The following ROBO2 variants were observed in gnomAD, a reference collection of about 807,000 sequenced individuals.
ROBO2 encodes the protein roundabout guidance receptor 2, also known as roundabout homolog 2.
ROBO2 carries 53 observed loss-of-function variants against 160.8 expected under a neutral mutation model. The observed-to-expected ratio is 0.33, with a 90% CI of 0.26 to 0.41. The LOEUF (loss-of-function observed/expected upper bound fraction) is 0.41, where lower values mean the gene tolerates loss of function less well. Ranked by LOEUF, ROBO2 falls within the 10% of genes least tolerant of loss-of-function variation. The pLI, the probability that ROBO2 is intolerant of heterozygous loss-of-function variation, is 1.00. For synonymous variants in ROBO2, 664 were observed against 611.7 expected (o/e 1.09, Z -1.26); for missense variants, 1,577 against 1,722.4 (o/e 0.92, Z 1.49).
Position 76,634,379 on chromosome 3 carries a change from C to T in ROBO2, c.110-463635C>T, listed in dbSNP as rs541293655. ...GGTCAGGAGTTCCAGACCAGCCTGG[C>T]CAACATGGTGAAACCCCGTCTCTAC... On this transcript the variant is annotated intron_variant, in intron 2 of 26. Transcript: ENST00000487694. Among the ~76,000 whole-genome samples, 12 of 152,218 alleles carry T rather than the reference C, an allele frequency of 7.9e-5. No individual in the cohort carries two copies. In the East Asian group the frequency reaches 1.7e-3, roughly 22 times the overall value.
chr3:76,393,469 T>C (rs1465996402), intron 2 of ROBO2, among the ~76,000 whole-genome samples: 1 of 152,162 alleles, frequency 6.6e-6, no homozygotes, highest in Non-Finnish European at 1.5e-5. Flanking sequence ...TAAATAGCAT[T>C]GTAAGGAAAT....
intron 2 of ROBO2, among the ~76,000 whole-genome samples, chr3:76,588,653 T>G (rs184013935): frequency 4.3e-4 from 66 of 152,284 alleles, no homozygotes; most frequent in African/African-American, 1.6e-3. Flanking sequence ...GTAGAGGCAT[T>G]CAATGTGATA....
intron 2 of ROBO2, among the ~76,000 whole-genome samples, chr3:76,305,908 C>T (rs1486035136): frequency 6.6e-6 from 1 of 151,762 alleles, no homozygotes; most frequent in Non-Finnish European, 1.5e-5. Flanking sequence ...CTCAGAGTTT[C>T]TCAGCTTCAA....
At chr3:76,984,229 T>G (rs2060251589) in intron 2 of ROBO2, among the ~76,000 whole-genome samples, 1 of 152,166 alleles carries the variant, frequency 6.6e-6, no homozygotes, top group Admixed American at 6.5e-5. Context: ...CCATATCAGC[T>G]GGGATTCACA....
intron 2 of ROBO2, among the ~76,000 whole-genome samples, chr3:76,608,721 T>C (rs1578503169): frequency 6.6e-6 from 1 of 152,162 alleles, no homozygotes; most frequent in Non-Finnish European, 1.5e-5. Context: ...TAAATTTAAG[T>C]CTTTAATTTT....
intron 2 of ROBO2, among the ~76,000 whole-genome samples, chr3:77,382,349 T>TA (rs2073597742): frequency 3.8e-5 from 1 of 26,552 alleles, no homozygotes; most frequent in Non-Finnish European, 8.5e-5. Context: ...ACATGTCCTT[T>TA]TTTTTTTTTT....
At chr3:77,259,087 T>C (rs562373878) in intron 2 of ROBO2, among the ~76,000 whole-genome samples, 81 of 152,218 alleles carry the variant, frequency 5.3e-4, no homozygotes, top group Non-Finnish European at 6.9e-4. Context: ...AAGATCTCAC[T>C]TCCTGATACT....
chr3:76,104,489 G>A (rs1260474142), intron 2 of ROBO2, among the ~76,000 whole-genome samples: 1 of 152,108 alleles, frequency 6.6e-6, no homozygotes, highest in Non-Finnish European at 1.5e-5. Flanking sequence ...ACCTCCCTTG[G>A]CCTCAATTTC....
At chr3:76,179,450 T>A (rs1701391577) in intron 2 of ROBO2, among the ~76,000 whole-genome samples, 1 of 152,308 alleles carries the variant, frequency 6.6e-6, no homozygotes, top group East Asian at 1.9e-4. Flanking sequence ...TAAAGTAACC[T>A]CTAGTTTTCC....
chr3:76,289,394 C>T (rs1233067415), intron 2 of ROBO2, among the ~76,000 whole-genome samples: 1 of 151,942 alleles, frequency 6.6e-6, no homozygotes, highest in Non-Finnish European at 1.5e-5. Context: ...GATATTAGAC[C>T]TTTGTTGGAT....
intron 2 of ROBO2, among the ~76,000 whole-genome samples, chr3:76,005,516 T>A (rs1243339268): frequency 2.0e-5 from 3 of 152,166 alleles, no homozygotes; most frequent in Non-Finnish European, 4.4e-5. Context: ...AAAATGAATG[T>A]GCCAATAAAC....
intron 2 of ROBO2, among the ~76,000 whole-genome samples, chr3:76,749,251 T>C (rs1233417108): frequency 6.6e-6 from 1 of 151,914 alleles, no homozygotes; most frequent in Non-Finnish European, 1.5e-5. Context: ...ATAATTTCTT[T>C]AGAAAAAAAT....
At chr3:76,861,923 A>T (rs2070823120) in intron 2 of ROBO2, among the ~76,000 whole-genome samples, 1 of 152,160 alleles carries the variant, frequency 6.6e-6, no homozygotes, top group Admixed American at 6.6e-5. Context: ...ATGGCTTAAC[A>T]TGATCATTTA....
At chr3:77,643,496 C>T (rs1280112802) in intron 24 of ROBO2, among the ~76,000 whole-genome samples, 2 of 152,100 alleles carry the variant, frequency 1.3e-5, no homozygotes, top group East Asian at 3.9e-4. Flanking sequence ...ATGGGAAATG[C>T]TCTTTTTTAT....
rs567933251 is a variant in ROBO2 at position 76,199,362 on chromosome 3, A to ACAACCT, written c.109+261764_109+261769dup. 3.1e-3 allele frequency among the ~76,000 whole-genome samples: 479 copies of ACAACCT among 152,250 alleles called. 2 individuals are homozygous for ACAACCT. Among genetic ancestry groups the ACAACCT allele is most frequent in the African/African-American group, 0.011 (462 of 41,554 alleles). On this transcript the variant is annotated intron_variant, in intron 2 of 26. Transcript: ENST00000487694. Reference sequence around the variant, plus strand: ...CTAGAAAAATGGGTACCTTGGTCCTACAACCTCAAGCAATTGAACTCTTCC... The same window carrying ACAACCT: ...CTAGAAAAATGGGTACCTTGGTCCTACAACCTCAACCTCAAGCAATTGAACTCTTCC...
At chr3:77,010,012 G>A (rs2061786770) in intron 2 of ROBO2, among the ~76,000 whole-genome samples, 1 of 147,526 alleles carries the variant, frequency 6.8e-6, no homozygotes, top group Non-Finnish European at 1.5e-5. Context: ...AGACATATTT[G>A]CCTTTTAGGT....
At chr3:77,354,676 AT>A (rs771075343) in intron 2 of ROBO2, among the ~76,000 whole-genome samples, 9 of 152,154 alleles carry the variant, frequency 5.9e-5, no homozygotes, top group Non-Finnish European at 1.2e-4. Flanking sequence ...GAGCATAGGT[AT>A]TTTTTTGAAT....
chr3:76,600,571 G>A (rs2087062837), intron 2 of ROBO2, among the ~76,000 whole-genome samples: 1 of 152,078 alleles, frequency 6.6e-6, no homozygotes, highest in African/African-American at 2.4e-5. Context: ...AGTGAAGTGG[G>A]TTTCCCCTTA....
At position 76,677,958 on chromosome 3, in the gene ROBO2, C is replaced by CTTTTT. The variant is rs1169307424; in HGVS notation, c.110-420031_110-420027dup. Among the ~76,000 whole-genome samples the CTTTTT allele has an allele frequency of 1.2e-3, 35 of 29,398 alleles. 6 individuals carry two copies. Among genetic ancestry groups the CTTTTT allele is most frequent in the Non-Finnish European group, 1.8e-3 (28 of 15,234 alleles). 19.3% of individuals were successfully genotyped at this position (29,398 alleles called of 152,430 possible). ...TTCTCTCACAGAGAAAGAAAATATG[C>CTTTTT]TTTTTTTTTTTTTTTTTTTTTTTTT... is the stretch of plus-strand genomic sequence containing the variant. On this transcript the variant is annotated intron_variant, in intron 2 of 26. Transcript: ENST00000487694.
Sources: gnomAD v4.1 joint callset for allele counts (sites outside exome capture counted in the v4.1 genomes callset) on GRCh38, gnomAD v4.1.1 for gene constraint, MANE v1.5 for transcripts, NCBI Gene and HGNC (gene_info 2026-07-23, HGNC 2026-07-21) for gene names.